The following GALK2 variants were observed in gnomAD, a reference collection of about 807,000 sequenced individuals.
GALK2 encodes N-acetylgalactosamine kinase.
Under a neutral mutation model 52.4 loss-of-function variants are expected in GALK2, and 36 were observed. The ratio of observed to expected loss-of-function variants is 0.69; its 90% CI spans 0.53 to 0.91. The LOEUF (loss-of-function observed/expected upper bound fraction) is 0.91, where lower values mean the gene tolerates loss of function less well. Among genes scored for constraint, GALK2 ranks in the 40% least tolerant of loss-of-function variants. GALK2 has a pLI of 0.00. For missense variants in GALK2, 579 were observed against 559.1 expected, an observed-to-expected ratio of 1.04 and a Z score of -0.36; for synonymous variants, 176 against 199.1, an observed-to-expected ratio of 0.88 and a Z score of 0.98.
At chr15:49,290,510 G>A (rs2033828367) in intron 7 of GALK2, among the ~76,000 whole-genome samples, 2 of 152,162 alleles carry the variant, frequency 1.3e-5, no homozygotes, top group African/African-American at 4.8e-5. Flanking sequence ...TGAATCTTGT[G>A]GGCTGTAGCC....
chr15:49,239,015 A>G (rs1254998859), intron 4 of GALK2, among the ~76,000 whole-genome samples: 8 of 152,234 alleles, frequency 5.3e-5, no homozygotes, highest in Non-Finnish European at 1.0e-4. Context: ...AAGAAAATTA[A>G]AGGCATTTAA....
chr15:49,351,566 C>G (rs144661197), intron 3 of GALK2, among the ~76,000 whole-genome samples: 1 of 152,316 alleles, frequency 6.6e-6, no homozygotes, highest in African/African-American at 2.4e-5. Context: ...ATGGTGAGAA[C>G]TGAAACTAAC....
intron 1 of GALK2, among the ~76,000 whole-genome samples, chr15:49,161,490 ACT>A (rs920028887): frequency 2.6e-5 from 4 of 152,228 alleles, no homozygotes; most frequent in East Asian, 1.9e-4. Context: ...CCGTTAAGAT[ACT>A]CTCTTTTATT....
At chr15:49,311,440 C>G (rs898054996) in intron 8 of GALK2, among the ~76,000 whole-genome samples, 1 of 152,202 alleles carries the variant, frequency 6.6e-6, no homozygotes, top group African/African-American at 2.4e-5. Flanking sequence ...TCTGTTGCTT[C>G]TATTTCTTTA....
chr15:49,193,683 A>G (rs2086954542), intron 1 of GALK2, among the ~76,000 whole-genome samples: 1 of 151,452 alleles, frequency 6.6e-6, no homozygotes. Flanking sequence ...ACCTTTTCCC[A>G]GAAGTCTAAC....
rs556261371 is a variant in GALK2, at chr15:49,215,645, T to C, written c.143-1545T>C. ...AATAATGAATTTCTTCCCTGTGTTA[T>C]CTTTAAGTTTGTTGAGCTTCCTCAA... On this transcript the variant is annotated intron_variant, in intron 2 of 9. Transcript: ENST00000560031. Among the ~76,000 whole-genome samples, 132 of 152,354 alleles carry C rather than the reference T, an allele frequency of 8.7e-4. 1 individual carries two copies. The highest frequency in any genetic ancestry group is 3.0e-3 in the African/African-American group (123 of 41,588).
chr15:49,222,397 C>T (rs1010826613), intron 3 of GALK2, among the ~76,000 whole-genome samples: 8 of 151,972 alleles, frequency 5.3e-5, no homozygotes, highest in Admixed American at 3.3e-4. Flanking sequence ...TTTATTCTTG[C>T]CTGATTATTC....
upstream of GALK2, among the ~76,000 whole-genome samples, chr15:49,169,475 A>T (rs936895879): frequency 5.9e-5 from 9 of 152,256 alleles, 1 homozygote; most frequent in African/African-American, 2.2e-4. Context: ...ATTAAAAACC[A>T]ATCTGCCTGC....
At chr15:49,165,800 C>CTTTTTT (rs552058665), upstream of GALK2, among the ~76,000 whole-genome samples, 5 of 134,718 alleles carry the variant, frequency 3.7e-5, no homozygotes, top group Non-Finnish European at 3.2e-5. Flanking sequence ...TAATGTATTT[C>CTTTTTT]TTTTTTTTTT....
chr15:49,170,098 G>C, upstream of GALK2: 1 of 1,007,400 alleles, frequency 9.9e-7, no homozygotes, highest in Non-Finnish European at 1.4e-6. Context: ...GACGGAGGCT[G>C]TACCTGACTG....
intron 5 of GALK2, among the ~76,000 whole-genome samples, chr15:49,277,745 G>A (rs1307987737): frequency 6.6e-6 from 1 of 151,228 alleles, no homozygotes; most frequent in Admixed American, 6.6e-5. Flanking sequence ...GCAGTGAGCC[G>A]AGATTGAGCC....
At chr15:49,343,292 T>C (rs930192031) in intron 3 of GALK2, among the ~76,000 whole-genome samples, 1 of 152,160 alleles carries the variant, frequency 6.6e-6, no homozygotes, top group African/African-American at 2.4e-5. Context: ...TCTGAGGTTT[T>C]TTCTTCTGCT....
intron 2 of GALK2, among the ~76,000 whole-genome samples, chr15:49,213,322 C>T: frequency 6.6e-6 from 1 of 152,040 alleles, no homozygotes; most frequent in African/African-American, 2.4e-5. Context: ...GTTTGGTTTT[C>T]ATTTGTATGG....
At chr15:49,226,295 C>T (rs1235804814) in intron 3 of GALK2, among the ~76,000 whole-genome samples, 1 of 152,180 alleles carries the variant, frequency 6.6e-6, no homozygotes, top group African/African-American at 2.4e-5. Flanking sequence ...TATCCCTTCA[C>T]TAACCCCTCC....
At chr15:49,265,517 C>T (rs141913878) in intron 5 of GALK2, among the ~76,000 whole-genome samples, 15 of 152,336 alleles carry the variant, frequency 9.8e-5, no homozygotes, top group East Asian at 1.9e-4. Context: ...TGACCCGTTG[C>T]GCTTCCCGAG....
intron 1 of GALK2, among the ~76,000 whole-genome samples, chr15:49,178,905 C>G (rs1169240389): frequency 6.6e-6 from 1 of 152,164 alleles, no homozygotes; most frequent in Non-Finnish European, 1.5e-5. Flanking sequence ...TTCAAAATAG[C>G]TATAGCTGTG....
chr15:49,323,675 A>G (rs2037088864), intron 9 of GALK2, among the ~76,000 whole-genome samples: 1 of 152,206 alleles, frequency 6.6e-6, no homozygotes, highest in South Asian at 2.1e-4. Context: ...TCTCCTACTT[A>G]GCATATAGGA....
At position 49,328,727 on chromosome 15, in the gene GALK2, T is replaced by A; in HGVS notation, c.*568T>A. 6.6e-7 allele frequency: 1 copy of A among 1,521,328 alleles called. No individual in the cohort carries two copies. The highest frequency in any genetic ancestry group is 8.9e-7 in the Non-Finnish European group (1 of 1,129,624). 94.2% of individuals were successfully genotyped at this position (1,521,328 alleles called of 1,614,324 possible). On this transcript the variant is annotated 3_prime_UTR_variant, in exon 10 of 10. Coordinates refer to ENST00000560031, the MANE Select transcript of GALK2 (RefSeq NM_002044.4). ...TTCACAGATCTTCTTGGACATTGTA[T>A]AATTGAATTTGAATGTGAGATTTCT...
intron 1 of GALK2, among the ~76,000 whole-genome samples, chr15:49,194,742 C>T (rs2087064996): frequency 6.6e-6 from 1 of 151,496 alleles, no homozygotes; most frequent in Non-Finnish European, 1.5e-5. Flanking sequence ...ATTACAAGCA[C>T]GTGCCACCAT....
Sources: allele counts gnomAD v4.1 joint callset (sites outside exome capture counted in the v4.1 genomes callset), GRCh38; gene constraint gnomAD v4.1.1; transcripts MANE v1.5; gene names NCBI Gene and HGNC (gene_info 2026-07-23, HGNC 2026-07-21).